Variants in GPM6A observed in about 807,000 individuals in gnomAD.
GPM6A encodes the protein neuronal membrane glycoprotein M6-a.
Under a neutral mutation model 32.1 loss-of-function variants are expected in GPM6A, and 7 were observed. The ratio of observed to expected loss-of-function variants is 0.22; its 90% CI spans 0.12 to 0.41. The LOEUF (loss-of-function observed/expected upper bound fraction) is 0.41. GPM6A is among the 10% of genes least tolerant of loss of function. The pLI is 1.00. For synonymous variants in GPM6A, 130 were observed against 123.4 expected (o/e 1.05, Z -0.35); for missense variants, 235 against 347.2 (o/e 0.68, Z 2.57).
intron 1 of GPM6A, among the ~76,000 whole-genome samples, chr4:175,918,269 G>A (rs1007160131): frequency 1.3e-5 from 2 of 152,240 alleles, no homozygotes; most frequent in East Asian, 3.9e-4. Flanking sequence ...AAAAATATAT[G>A]CTAGGAATTT....
chr4:175,677,820 T>A (rs1392132681), intron 2 of GPM6A, among the ~76,000 whole-genome samples: 1 of 152,120 alleles, frequency 6.6e-6, no homozygotes, highest in East Asian at 1.9e-4. Context: ...AATCCTGAGA[T>A]AAGCATATCA....
intron 2 of GPM6A, among the ~76,000 whole-genome samples, chr4:175,674,232 C>T (rs1381769285): frequency 6.6e-6 from 1 of 152,144 alleles, no homozygotes; most frequent in East Asian, 1.9e-4. Flanking sequence ...GTCTGGAGTA[C>T]AGTGGTGCGA....
chr4:175,881,993 A>C (rs955977620), intron 1 of GPM6A, among the ~76,000 whole-genome samples: 4 of 152,032 alleles, frequency 2.6e-5, no homozygotes, highest in Admixed American at 1.3e-4. Context: ...ATATAATAAA[A>C]AATATAATAA....
chr4:175,871,874 C>T (rs1195644683), intron 1 of GPM6A, among the ~76,000 whole-genome samples: 8 of 151,864 alleles, frequency 5.3e-5, no homozygotes, highest in Non-Finnish European at 1.5e-5. Flanking sequence ...CTTTTTTTTC[C>T]TTCCAGATAT....
intron 3 of GPM6A, among the ~76,000 whole-genome samples, chr4:175,655,180 G>A (rs1461251105): frequency 1.3e-5 from 2 of 152,162 alleles, no homozygotes; most frequent in East Asian, 3.9e-4. Flanking sequence ...TCAGTGCGGT[G>A]AGAAAATATT....
At chr4:175,783,295 A>AT (rs557781219) in intron 1 of GPM6A, among the ~76,000 whole-genome samples, 1 of 151,866 alleles carries the variant, frequency 6.6e-6, no homozygotes, top group Non-Finnish European at 1.5e-5. Flanking sequence ...TTTGCCAATA[A>AT]TTTTTTTAAA....
At chr4:175,883,373 A>T (rs1737343163) in intron 1 of GPM6A, among the ~76,000 whole-genome samples, 1 of 152,122 alleles carries the variant, frequency 6.6e-6, no homozygotes. Context: ...ACTTTAACCA[A>T]ATATTCAAAA....
At chr4:175,688,465 C>T (rs969481074) in intron 2 of GPM6A, among the ~76,000 whole-genome samples, 16 of 152,058 alleles carry the variant, frequency 1.1e-4, no homozygotes, top group Non-Finnish European at 2.1e-4. Context: ...ACCTATTTGT[C>T]ATTGTGTCTT....
chr4:175,695,581 G>T (rs1244087957), intron 2 of GPM6A, among the ~76,000 whole-genome samples: 1 of 152,144 alleles, frequency 6.6e-6, no homozygotes, highest in African/African-American at 2.4e-5. Flanking sequence ...TTTGAAATTG[G>T]AGTATTTACC....
chr4:175,750,146 C>T (rs1315079319), intron 1 of GPM6A, among the ~76,000 whole-genome samples: 2 of 151,978 alleles, frequency 1.3e-5, no homozygotes, highest in African/African-American at 4.8e-5. Flanking sequence ...GCAACCTCTG[C>T]CTCCCAGGTT....
intron 1 of GPM6A, among the ~76,000 whole-genome samples, chr4:175,960,097 T>G (rs1168885771): frequency 6.6e-6 from 1 of 152,186 alleles, no homozygotes; most frequent in Non-Finnish European, 1.5e-5. Context: ...CAAATCATAG[T>G]CAAATATTCT....
intron 6 of GPM6A, among the ~76,000 whole-genome samples, chr4:175,639,802 C>A (rs1741030596): frequency 6.6e-6 from 1 of 151,268 alleles, no homozygotes; most frequent in East Asian, 1.9e-4. Context: ...AAAAGTAAAT[C>A]AAGGAATTGA....
intron 6 of GPM6A, among the ~76,000 whole-genome samples, chr4:175,638,123 A>G (rs1349782276): frequency 1.3e-5 from 2 of 150,524 alleles, no homozygotes; most frequent in African/African-American, 2.4e-5. Flanking sequence ...CTCTACAAAT[A>G]ATGGAGTAGA....
chr4:175,709,770 AT>A (rs1745430405), intron 1 of GPM6A, among the ~76,000 whole-genome samples: 1 of 151,660 alleles, frequency 6.6e-6, no homozygotes, highest in Non-Finnish European at 1.5e-5. Flanking sequence ...AAAACATCAC[AT>A]TTTATTTTTC....
intron 2 of GPM6A, among the ~76,000 whole-genome samples, chr4:175,683,309 T>G (rs1743790007): frequency 6.6e-6 from 1 of 152,190 alleles, no homozygotes; most frequent in Non-Finnish European, 1.5e-5. Context: ...GTGTCTCCAT[T>G]GTATCTTGGA....
chr4:175,765,370 G>A (rs1445948372), intron 1 of GPM6A, among the ~76,000 whole-genome samples: 1 of 152,128 alleles, frequency 6.6e-6, no homozygotes, highest in African/African-American at 2.4e-5. Context: ...AAAAACAGTG[G>A]AGGGAATCTC....
At chr4:175,765,008 G>T (rs1732905828) in intron 1 of GPM6A, among the ~76,000 whole-genome samples, 1 of 151,788 alleles carries the variant, frequency 6.6e-6, no homozygotes, top group Admixed American at 6.6e-5. Flanking sequence ...CGAATAGCTG[G>T]GATTACAGGT....
At chr4:175,934,236 G>T (rs1420871296) in intron 1 of GPM6A, among the ~76,000 whole-genome samples, 1 of 152,126 alleles carries the variant, frequency 6.6e-6, no homozygotes, top group Non-Finnish European at 1.5e-5. Flanking sequence ...CCTCCTTAAA[G>T]TCGACTACTT....
chr4:175,696,411 T>C (rs1744581076), intron 2 of GPM6A, among the ~76,000 whole-genome samples: 1 of 152,198 alleles, frequency 6.6e-6, no homozygotes, highest in South Asian at 2.1e-4. Context: ...ATGGTTCAAG[T>C]ATTTGGTTTT....
Sources: allele counts gnomAD v4.1 joint callset (sites outside exome capture counted in the v4.1 genomes callset), GRCh38; gene constraint gnomAD v4.1.1; transcripts MANE v1.5; gene names NCBI Gene and HGNC (gene_info 2026-07-23, HGNC 2026-07-21).